Variants in KHDRBS2 observed in about 807,000 individuals in gnomAD.
The protein encoded by KHDRBS2 is KH RNA binding domain containing, signal transduction associated 2, also known as KH domain-containing, RNA-binding, signal transduction-associated protein 2.
KHDRBS2 carries 26 observed loss-of-function variants against 44.3 expected under a neutral mutation model. The observed-to-expected ratio is 0.59, with a 90% CI of 0.43 to 0.81. The LOEUF is 0.81. KHDRBS2 is among the 40% of genes least tolerant of loss of function. The probability of loss-of-function intolerance (pLI) is 0.00; values close to 1 mark genes in which losing one functional copy is unlikely to be tolerated. For synonymous variants in KHDRBS2, 194 were observed against 151.1 expected (o/e 1.28, Z -2.08); for missense variants, 476 against 433.1 (o/e 1.10, Z -0.88).
chr6:62,044,804 G>A (rs1305893425), intron 3 of KHDRBS2, among the ~76,000 whole-genome samples: 1 of 152,036 alleles, frequency 6.6e-6, no homozygotes, highest in Admixed American at 6.6e-5. Flanking sequence ...TTTTAAACAT[G>A]GCTAATCTTT....
At chr6:61,683,400 A>G (rs1766508045) in intron 8 of KHDRBS2, among the ~76,000 whole-genome samples, 1 of 151,856 alleles carries the variant, frequency 6.6e-6, no homozygotes, top group Admixed American at 6.6e-5. Flanking sequence ...TAGAATAGGG[A>G]CTGTTGCTAT....
At chr6:61,617,578 C>G in the KHDRBS2 span, among the ~76,000 whole-genome samples, 1 of 151,986 alleles carries the variant, frequency 6.6e-6, no homozygotes, top group Non-Finnish European at 1.5e-5. Flanking sequence ...TGTTAAAATA[C>G]AAATTAAGAA....
At chr6:61,582,652 C>T in the KHDRBS2 span, among the ~76,000 whole-genome samples, 1 of 151,296 alleles carries the variant, frequency 6.6e-6, no homozygotes, top group Non-Finnish European at 1.5e-5. Flanking sequence ...CATGATCCAA[C>T]AAAGATAAAT....
chr6:61,833,721 A>G (rs1372471084), intron 6 of KHDRBS2, among the ~76,000 whole-genome samples: 1 of 152,178 alleles, frequency 6.6e-6, no homozygotes, highest in African/African-American at 2.4e-5. Flanking sequence ...GGTGTGAAAA[A>G]TACTATGGTT....
chr6:61,711,028 A>G (rs1770431965), intron 7 of KHDRBS2, among the ~76,000 whole-genome samples: 1 of 150,840 alleles, frequency 6.6e-6, no homozygotes, highest in Non-Finnish European at 1.5e-5. Flanking sequence ...AGTAACTGTG[A>G]ATTAATCAAA....
At chr6:61,757,651 G>A (rs763746660) in intron 6 of KHDRBS2, among the ~76,000 whole-genome samples, 27 of 151,810 alleles carry the variant, frequency 1.8e-4, no homozygotes, top group African/African-American at 5.3e-4. Context: ...TTGTTCTTCC[G>A]TTTTTCCTCT....
chr6:62,197,165 A>G (rs1261265299), intron 1 of KHDRBS2, among the ~76,000 whole-genome samples: 4 of 152,152 alleles, frequency 2.6e-5, no homozygotes, highest in Admixed American at 2.6e-4. Flanking sequence ...CCCTTCAAAA[A>G]TGGGTATTAA....
chr6:61,568,636 G>A, the KHDRBS2 span, among the ~76,000 whole-genome samples: 2 of 152,186 alleles, frequency 1.3e-5, no homozygotes, highest in Non-Finnish European at 2.9e-5. Flanking sequence ...CATCTCACTG[G>A]AGAATCTGAA....
chr6:62,003,942 T>A (rs1282393824), intron 3 of KHDRBS2, among the ~76,000 whole-genome samples: 1 of 152,174 alleles, frequency 6.6e-6, no homozygotes, highest in African/African-American at 2.4e-5. Context: ...ATACAGATGT[T>A]CTTTGAAACC....
chr6:61,910,002 G>A (rs548122385), intron 4 of KHDRBS2, among the ~76,000 whole-genome samples: 14 of 152,322 alleles, frequency 9.2e-5, no homozygotes, highest in Admixed American at 6.5e-4. Flanking sequence ...GAAATGATAC[G>A]TAGGGAAATG....
chr6:62,213,522 C>A (rs139416928), intron 1 of KHDRBS2, among the ~76,000 whole-genome samples: 1,995 of 152,042 alleles, frequency 0.013, 17 homozygotes, highest in Middle Eastern at 0.031. Flanking sequence ...GAAGGGCTAA[C>A]CTTGATAGAA....
At chr6:61,586,366 A>G in the KHDRBS2 span, among the ~76,000 whole-genome samples, 2 of 152,048 alleles carry the variant, frequency 1.3e-5, no homozygotes, top group Admixed American at 6.6e-5. Context: ...CTGCTTCTTT[A>G]TGAAACAGAT....
chr6:61,773,280 C>A (rs1322042312), intron 6 of KHDRBS2, among the ~76,000 whole-genome samples: 5 of 152,190 alleles, frequency 3.3e-5, no homozygotes, highest in African/African-American at 1.2e-4. Context: ...GTTCCTATAT[C>A]TCCACATCCT....
At position 62,070,198 on chromosome 6, in the gene KHDRBS2, G is replaced by A. The variant is rs142263379; in HGVS notation, c.220-22204C>T. ...AATCCATTTTATAGGTGCTGGATTT[G>A]GTTTGTAGTATTTTGATGAAGACTT... On this transcript the variant is annotated intron_variant, in intron 2 of 8. Transcript: ENST00000281156. Among the ~76,000 whole-genome samples the A allele has an allele frequency of 2.5e-3, 377 of 151,582 alleles. 5 individuals are homozygous for A. Among genetic ancestry groups the A allele is most frequent in the Non-Finnish European group, 2.4e-3 (162 of 67,798 alleles).
At position 62,204,394 on chromosome 6, in the gene KHDRBS2, A is replaced by G. The variant is rs562427821; in HGVS notation, c.92-27082T>C. Among the ~76,000 whole-genome samples the G allele has an allele frequency of 2.6e-5, 4 of 152,296 alleles. No individual in the cohort carries two copies. The South Asian group carries it at 8.3e-4, about 32-fold the overall frequency. ...TATGCAATGAGGTAAACTGGATATT[A>G]CAAGTTGAGTATCCCTTGTCCAAAA... On this transcript the variant is annotated intron_variant, in intron 1 of 8. Coordinates refer to ENST00000281156, the MANE Select transcript of KHDRBS2 (RefSeq NM_152688.4).
chr6:61,560,626 G>C, the KHDRBS2 span, among the ~76,000 whole-genome samples: 9 of 152,012 alleles, frequency 5.9e-5, no homozygotes, highest in Admixed American at 4.6e-4. Flanking sequence ...TATTCCAATT[G>C]CATTTTTCAG....
At chr6:61,642,724 G>A in the KHDRBS2 span, among the ~76,000 whole-genome samples, 2 of 151,156 alleles carry the variant, frequency 1.3e-5, no homozygotes, top group African/African-American at 4.9e-5. Flanking sequence ...ATTCCACAAA[G>A]CAGGCATGTC....
chr6:62,065,279 C>T (rs550038030), intron 2 of KHDRBS2, among the ~76,000 whole-genome samples: 2 of 152,256 alleles, frequency 1.3e-5, no homozygotes, highest in South Asian at 2.1e-4. Context: ...CATTCCATTA[C>T]TGGGTATATA....
rs1812338947 is a variant in KHDRBS2 at position 61,942,545 on chromosome 6, A to C, written c.483+35521T>G. On this transcript the variant is annotated intron_variant, in intron 4 of 8. Transcript: ENST00000281156. ...CCCAATGAGGCAAAAATAAAGAATA[A>C]AAAAGAAAAAGCAAAGGCTTCATAA... Among the ~76,000 whole-genome samples the C allele has an allele frequency of 3.9e-5, 6 of 152,146 alleles. 1 individual carries two copies. In the South Asian group the frequency reaches 1.2e-3, roughly 32 times the overall value.
Sources: allele counts gnomAD v4.1 joint callset (sites outside exome capture counted in the v4.1 genomes callset), GRCh38; gene constraint gnomAD v4.1.1; transcripts MANE v1.5; gene names NCBI Gene and HGNC (gene_info 2026-07-23, HGNC 2026-07-21).